GM2A: variants seen among roughly 807,000 people sequenced by gnomAD.
GM2A encodes the protein GM2 ganglioside activator.
GM2A carries 7 observed loss-of-function variants against 12.9 expected under a neutral mutation model. The observed-to-expected ratio is 0.54, with a 90% CI of 0.31 to 1.02. The LOEUF (loss-of-function observed/expected upper bound fraction) is 1.02, where lower values mean the gene tolerates loss of function less well. Ranked by LOEUF, GM2A falls within the 50% of genes least tolerant of loss-of-function variation. GM2A has a pLI of 0.05. For synonymous variants in GM2A, 101 were observed against 96.0 expected (o/e 1.05, Z -0.30); for missense variants, 246 against 241.0 (o/e 1.02, Z -0.14).
chr5:151,265,452 T>C (rs1753866311), intron 2 of GM2A, among the ~76,000 whole-genome samples: 1 of 152,210 alleles, frequency 6.6e-6, no homozygotes, highest in South Asian at 2.1e-4. Context: ...ATTCCTAGAA[T>C]GCTAGAATGT....
Position 151,253,297 on chromosome 5 carries a change from G to A in GM2A, c.81G>A (p.Lys27=). Residue 27 remains lysine, a splice_region_variant and synonymous_variant, in exon 1 of 4, where the codon AAG becomes AAA. Coordinates refer to ENST00000357164, the MANE Select transcript of GM2A (RefSeq NM_000405.5). The stretch of plus-strand genomic sequence containing the variant: ...CCCCTGCGCAAGCCCACCTGAAAAA[G>A]GTGAGTGCACCCTCTTTTAAGAGTC... ...LAAPAQAHLK[K]PSQLSSFSWD... is the part of the protein sequence containing the mutation. 6.2e-7 allele frequency: 1 copy of A among 1,609,412 alleles called. No homozygotes were observed. Among genetic ancestry groups the A allele is most frequent in the African/African-American group, 1.3e-5 (1 of 74,934 alleles).
At chr5:151,253,614 C>G (rs1234848996) in intron 1 of GM2A, among the ~76,000 whole-genome samples, 2 of 152,002 alleles carry the variant, frequency 1.3e-5, no homozygotes, top group East Asian at 3.9e-4. Context: ...TCCTGTTAAC[C>G]CTGCACCTTA....
chr5:151,264,463 C>G (rs1753849099), intron 2 of GM2A, among the ~76,000 whole-genome samples: 1 of 152,198 alleles, frequency 6.6e-6, no homozygotes, highest in African/African-American at 2.4e-5. Flanking sequence ...ACTTGTCCCC[C>G]TACTGGCCTC....
chr5:151,254,418 G>A (rs1193280385), intron 1 of GM2A, among the ~76,000 whole-genome samples: 2 of 152,160 alleles, frequency 1.3e-5, no homozygotes, highest in Non-Finnish European at 2.9e-5. Context: ...GGCGATTGTA[G>A]CTCACTGCAG....
chr5:151,267,703 A>C lies in GM2A; in HGVS notation c.*252A>C. On this transcript the variant is annotated 3_prime_UTR_variant, in exon 4 of 4. Transcript: ENST00000357164. Reference sequence around the variant, plus strand: ...ATCTGCTGGGCTGACCACGTTACTCATCCCCGTTAACATTCTCTCTAAAGA... The same window carrying C: ...ATCTGCTGGGCTGACCACGTTACTCCTCCCCGTTAACATTCTCTCTAAAGA... 1 of 1,417,628 alleles carries C rather than the reference A, an allele frequency of 7.1e-7. No individual in the cohort carries two copies. Among genetic ancestry groups the C allele is most frequent in the Non-Finnish European group, 9.3e-7 (1 of 1,073,918 alleles). The allele number at this position is 1,417,628 out of a possible 1,614,324, so 87.8% of individuals were successfully genotyped here.
chr5:151,268,361 G>T lies in GM2A; in HGVS notation c.*910G>T, dbSNP rs1753937727. Reference sequence around the variant, plus strand: ...GTAGAGATGGGGTTTCACCATGTTGGCCAGGATGGTCTCGATCTCTTGACC... The same window carrying T: ...GTAGAGATGGGGTTTCACCATGTTGTCCAGGATGGTCTCGATCTCTTGACC... On this transcript the variant is annotated 3_prime_UTR_variant, in exon 4 of 4. Transcript: ENST00000357164. 3.5e-6 allele frequency: 2 copies of T among 566,218 alleles called. No individual in the cohort carries two copies. The highest frequency in any genetic ancestry group is 4.5e-6 in the Non-Finnish European group (2 of 447,276). The allele number at this position is 566,218 out of a possible 1,614,324, so 35.1% of individuals were successfully genotyped here.
chr5:151,263,099 T>TC (rs1271288323), intron 2 of GM2A, among the ~76,000 whole-genome samples: 1 of 149,708 alleles, frequency 6.7e-6, no homozygotes, highest in Non-Finnish European at 1.5e-5. Flanking sequence ...CTTTTTTTTT[T>TC]TTTTTTTTTT....
intron 1 of GM2A, among the ~76,000 whole-genome samples, chr5:151,255,756 G>A (rs1304240597): frequency 6.6e-6 from 1 of 152,192 alleles, no homozygotes; most frequent in Non-Finnish European, 1.5e-5. Flanking sequence ...GACTTCATTT[G>A]CCTGGAGAAT....
intron 2 of GM2A, among the ~76,000 whole-genome samples, chr5:151,263,533 C>T (rs1275294364): frequency 1.3e-5 from 2 of 152,106 alleles, no homozygotes; most frequent in African/African-American, 4.8e-5. Context: ...GCAACTTGAC[C>T]CAGGTCACAA....
intron 2 of GM2A, 142 bp downstream of exon 2, chr5:151,260,058 C>G: frequency 6.5e-6 from 4 of 619,128 alleles, no homozygotes; most frequent in Non-Finnish European, 8.4e-6. Context: ...GATTCAGACA[C>G]TCTTTCACAG....
At position 151,261,682 on chromosome 5, in the gene GM2A, G is replaced by C. The variant is rs973224122; in HGVS notation, c.243+1766G>C. ...TTGAACTCCTGACCTCAGGCAATGT[G>C]CCTGCCTCGGCCTCCCAAAGTGCTG... On this transcript the variant is annotated intron_variant, in intron 2 of 3. Transcript: ENST00000357164. Among the ~76,000 whole-genome samples the C allele has an allele frequency of 2.7e-5, 4 of 149,566 alleles. No homozygotes were observed. In the East Asian group the frequency reaches 7.9e-4, roughly 30 times the overall value.
Position 151,255,222 on chromosome 5 carries a change from G to A in GM2A, c.81+1925G>A, listed in dbSNP as rs567160486. 9.9e-5 allele frequency among the ~76,000 whole-genome samples: 15 copies of A among 152,242 alleles called. 1 individual carries two copies. The South Asian group carries it at 2.3e-3, about 23-fold the overall frequency. On this transcript the variant is annotated intron_variant, in intron 1 of 3. Coordinates refer to ENST00000357164, the MANE Select transcript of GM2A (RefSeq NM_000405.5). ...AGGCTAAGGTGAGAGGCCCAGCTAC[G>A]CCTGAACCTGGGAGGTCATGGCTAC...
At chr5:151,263,178 TG>T (rs1753829306) in intron 2 of GM2A, among the ~76,000 whole-genome samples, 1 of 148,806 alleles carries the variant, frequency 6.7e-6, no homozygotes, top group Non-Finnish European at 1.5e-5. Context: ...TTGCAACCTC[TG>T]CCTCCCGGTT....
rs754452771 is a variant in GM2A at position 151,267,385 on chromosome 5, C to T, written c.516C>T (p.Ser172=). The T allele has an allele frequency of 2.8e-5, 46 of 1,614,044 alleles. No individual in the cohort carries two copies. The Admixed American group carries it at 3.2e-4, about 11-fold the overall frequency. ...WLTTGNYRIE[S]VLSSSGKRLG... is the part of the protein sequence containing the mutation. ...CCACCGGGAACTACCGCATAGAGAG[C>T]GTCCTGAGCAGCAGTGGGAAGCGTC... is the stretch of plus-strand genomic sequence containing the variant. Residue 172 remains serine, a synonymous_variant, in exon 4 of 4, where the codon AGC becomes AGT. Coordinates refer to ENST00000357164, the MANE Select transcript of GM2A (RefSeq NM_000405.5).
At position 151,267,708 on chromosome 5, in the gene GM2A, C is replaced by G. The variant is rs536229935; in HGVS notation, c.*257C>G. 3 of 1,400,156 alleles carry G rather than the reference C, an allele frequency of 2.1e-6. No individual in the cohort carries two copies. The highest frequency in any genetic ancestry group is 2.8e-6 in the Non-Finnish European group (3 of 1,064,004). 86.7% of individuals were successfully genotyped at this position (1,400,156 alleles called of 1,614,324 possible). On this transcript the variant is annotated 3_prime_UTR_variant, in exon 4 of 4. Coordinates refer to ENST00000357164, the MANE Select transcript of GM2A (RefSeq NM_000405.5). The stretch of plus-strand genomic sequence containing the variant: ...CTGGGCTGACCACGTTACTCATCCC[C>G]GTTAACATTCTCTCTAAAGAGCCTC...
Position 151,267,682 on chromosome 5 carries a change from G to A in GM2A, c.*231G>A, listed in dbSNP as rs148662528. ...CAGTTCTTGATAGCCCAGGGCATCTGCTGGGCTGACCACGTTACTCATCCC... is the reference window on the plus strand; with the variant it reads ...CAGTTCTTGATAGCCCAGGGCATCTACTGGGCTGACCACGTTACTCATCCC... On this transcript the variant is annotated 3_prime_UTR_variant, in exon 4 of 4. Transcript: ENST00000357164. The A allele has an allele frequency of 1.4e-6, 2 of 1,466,886 alleles. No individual in the cohort carries two copies. The highest frequency in any genetic ancestry group is 1.4e-5 in the African/African-American group (1 of 71,528). The allele number at this position is 1,466,886 out of a possible 1,614,324, so 90.9% of individuals were successfully genotyped here. A position where few individuals can be genotyped will look rare whatever the true frequency, so the allele number is the denominator to read the frequency against.
chr5:151,266,640 T>G, intron 2 of GM2A, 91 bp from the exon 3 acceptor site: 1 of 924,426 alleles, frequency 1.1e-6, no homozygotes, highest in South Asian at 1.3e-5. Flanking sequence ...AATATATTGC[T>G]GCTTTTTTGA....
chr5:151,258,695 T>C (rs1753739303), intron 1 of GM2A, among the ~76,000 whole-genome samples: 1 of 152,136 alleles, frequency 6.6e-6, no homozygotes, highest in African/African-American at 2.4e-5. Context: ...CCCCAGCCTT[T>C]TATACCTTAA....
rs1179747280 is a variant in GM2A, at chr5:151,269,110, G to A, written c.*1659G>A. On this transcript the variant is annotated 3_prime_UTR_variant, in exon 4 of 4. Transcript: ENST00000357164. ...AGCAGGGGTCCAAGGAAGAGAGGGT[G>A]GCCTCGACATCAAACTGCCTGGATT... 2.0e-6 allele frequency: 2 copies of A among 985,310 alleles called. No individual in the cohort carries two copies. The highest frequency in any genetic ancestry group is 2.3e-4 in the East Asian group (2 of 8,824). The allele number at this position is 985,310 out of a possible 1,614,324, so 61.0% of individuals were successfully genotyped here. A position where few individuals can be genotyped will look rare whatever the true frequency, so the allele number is the denominator to read the frequency against.
Sources: allele counts gnomAD v4.1 joint callset (sites outside exome capture counted in the v4.1 genomes callset), GRCh38; gene constraint gnomAD v4.1.1; transcripts MANE v1.5; gene names NCBI Gene and HGNC (gene_info 2026-07-23, HGNC 2026-07-21).